The following CPNE9 variants were observed in gnomAD, a reference collection of about 807,000 sequenced individuals.
The protein encoded by CPNE9 is copine-9.
Under a neutral mutation model 83.0 loss-of-function variants are expected in CPNE9, and 59 were observed. The observed-to-expected ratio is 0.71, with a 90% CI of 0.58 to 0.88. The LOEUF is 0.88. Ranked by LOEUF, CPNE9 falls within the 40% of genes least tolerant of loss-of-function variation. The probability of loss-of-function intolerance (pLI) is 0.00; values close to 1 mark genes in which losing one functional copy is unlikely to be tolerated. For missense variants in CPNE9, 619 were observed against 720.8 expected (o/e 0.86, Z 1.62); for synonymous variants, 256 against 273.4 (o/e 0.94, Z 0.63).
chr3:9,720,998 T>C (rs993116929), intron 17 of CPNE9, among the ~76,000 whole-genome samples: 1 of 152,212 alleles, frequency 6.6e-6, no homozygotes, highest in Non-Finnish European at 1.5e-5. Context: ...CTAATTAATA[T>C]ATGTCAAGCA....
chr3:9,704,887 C>T lies in CPNE9; in HGVS notation c.157-4C>T, dbSNP rs1209511670. ...CCACGCTGACCCTCCACCCCCCTAC[C>T]CAGTTCGGACGGACCGAGGTGATTG... On this transcript the variant is annotated splice_polypyrimidine_tract_variant and splice_region_variant and intron_variant, in intron 3 of 20. Transcript: ENST00000383832. This position sits in a 1 kb window ranked among gnomAD's most constrained non-coding sequence, Gnocchi z 7.1. 3.7e-6 allele frequency: 6 copies of T among 1,611,832 alleles called. No homozygotes were observed. Among genetic ancestry groups the T allele is most frequent in the Non-Finnish European group, 5.1e-6 (6 of 1,178,794 alleles).
chr3:9,729,352 G>A (rs1284590765), intron 20 of CPNE9, among the ~76,000 whole-genome samples, 155 bp from the exon 21 acceptor site: 1 of 152,186 alleles, frequency 6.6e-6, no homozygotes, highest in Non-Finnish European at 1.5e-5. Flanking sequence ...TGGGTGGAGA[G>A]AAAGCAAATG....
rs1559646221 is a variant in CPNE9 at position 9,725,688 on chromosome 3, A to ATATGTG, written c.1242-261_1242-260insTATGTG. On this transcript the variant is annotated intron_variant, in intron 17 of 20. Coordinates refer to ENST00000383832, the MANE Select transcript of CPNE9 (RefSeq NM_153635.3). Reference sequence around the variant, plus strand: ...TGTATATATATGTGTATATATATATACATATATGTGTATATATGTGTATAT... The same window carrying ATATGTG: ...TGTATATATATGTGTATATATATATATATGTGCATATATGTGTATATATGTGTATAT... 4.5e-4 allele frequency among the ~76,000 whole-genome samples: 26 copies of ATATGTG among 57,686 alleles called. No individual in the cohort carries two copies. In the East Asian group the frequency reaches 6.0e-3, roughly 13 times the overall value. The allele number at this position is 57,686 out of a possible 152,430, so 37.8% of individuals were successfully genotyped here. A position where few individuals can be genotyped will look rare whatever the true frequency, so the allele number is the denominator to read the frequency against.
rs1255823412 is a variant in CPNE9, at chr3:9,721,745, A to AG, written c.1241+3145dup. 2.0e-5 allele frequency among the ~76,000 whole-genome samples: 3 copies of AG among 152,196 alleles called. No homozygotes were observed. The East Asian group carries it at 5.8e-4, about 29-fold the overall frequency. ...TGACTAGAGTGCGCACTGTGTACAG[A>AG]GGACTATCCAGATAATGGACTGGGG... On this transcript the variant is annotated intron_variant, in intron 17 of 20. Coordinates refer to ENST00000383832, the MANE Select transcript of CPNE9 (RefSeq NM_153635.3).
chr3:9,714,977 C>T (rs1254497199), intron 11 of CPNE9, 22 bp downstream of exon 11: 3 of 1,608,870 alleles, frequency 1.9e-6, no homozygotes, highest in African/African-American at 2.7e-5. Context: ...CCACATGGTC[C>T]CTTCTCCTGT....
In CPNE9 at chr3:9,704,659, T is replaced by C; in HGVS notation, c.109+32T>C. 6.2e-7 allele frequency: 1 copy of C among 1,612,696 alleles called. No homozygotes were observed. The highest frequency in any genetic ancestry group is 8.5e-7 in the Non-Finnish European group (1 of 1,178,864). ...GGCTCCAGGACCGGGAGGGGGAACT[T>C]GGGGTCTGGGCGCGACTCAGGGGCG... On this transcript the variant is annotated intron_variant, in intron 2 of 20. Coordinates refer to ENST00000383832, the MANE Select transcript of CPNE9 (RefSeq NM_153635.3). This position sits in a 1 kb window ranked among gnomAD's most constrained non-coding sequence, Gnocchi z 7.1.
intron 15 of CPNE9, 132 bp from the exon 16 acceptor site, chr3:9,717,897 T>A: frequency 1.5e-6 from 1 of 686,068 alleles, no homozygotes. Context: ...GATGATTGGG[T>A]AAAATAAGGA....
intron 10 of CPNE9, among the ~76,000 whole-genome samples, chr3:9,714,041 C>A (rs899380507): frequency 3.3e-5 from 5 of 151,868 alleles, no homozygotes; most frequent in Admixed American, 2.6e-4. Flanking sequence ...CCACTGCACT[C>A]CAGCCTGGGC....
At chr3:9,720,190 AGAT>A (rs2076722565) in intron 17 of CPNE9, among the ~76,000 whole-genome samples, 1 of 152,078 alleles carries the variant, frequency 6.6e-6, no homozygotes, top group African/African-American at 2.4e-5. Flanking sequence ...AAAAAGAAAA[AGAT>A]TATTTGATTG....
intron 16 of CPNE9, 31 bp from the exon 17 acceptor site, chr3:9,718,444 G>A: frequency 2.5e-6 from 4 of 1,601,240 alleles, no homozygotes; most frequent in Non-Finnish European, 3.4e-6. Flanking sequence ...CCCTGCATGG[G>A]CTCAGCCTGG....
At position 9,726,695 on chromosome 3, in the gene CPNE9, G is replaced by A. The variant is rs566993609; in HGVS notation, c.1375G>A (p.Val459Ile). 7 of 1,613,714 alleles carry A rather than the reference G, an allele frequency of 4.3e-6. No individual in the cohort carries two copies. The highest frequency in any genetic ancestry group is 4.5e-5 in the East Asian group (2 of 44,882). Residue 459 changes from valine (V) to isoleucine (I), a missense_variant, in exon 19 of 21, where the codon GTC (valine) becomes ATC (isoleucine). Around this residue, in one of 3 missense-constraint regions of CPNE9, gnomAD observed 438 missense variants for 562.9 expected, o/e 0.78. Coordinates refer to ENST00000383832, the MANE Select transcript of CPNE9 (RefSeq NM_153635.3). Reference protein sequence around the residue: ...ASSLPMSIIIVGVGPAMFEAM... With the variant: ...ASSLPMSIIIIGVGPAMFEAM... Reference sequence around the variant, plus strand: ...CTCATTGCCCATGTCTATCATTATCGTCGGTGTAGGACCAGCCATGTTTGA... The same window carrying A: ...CTCATTGCCCATGTCTATCATTATCATCGGTGTAGGACCAGCCATGTTTGA...
intron 4 of CPNE9, 47 bp from the exon 5 acceptor site, chr3:9,705,417 T>G: frequency 7.0e-6 from 4 of 570,216 alleles, no homozygotes; most frequent in Non-Finnish European, 1.3e-5. Context: ...CTTTCCACCC[T>G]CTCCCCCACC....
At chr3:9,721,256 G>A (rs1028354836) in intron 17 of CPNE9, among the ~76,000 whole-genome samples, 5 of 152,164 alleles carry the variant, frequency 3.3e-5, no homozygotes, top group Non-Finnish European at 7.3e-5. Flanking sequence ...CTAGCAAGTC[G>A]CCTGTCAGCA....
At chr3:9,718,331 T>C (rs1395396059) in intron 16 of CPNE9, 121 bp downstream of exon 16, 2 of 1,379,228 alleles carry the variant, frequency 1.5e-6, no homozygotes, top group Admixed American at 2.1e-5. Flanking sequence ...TATGAGAGGA[T>C]AGCAGAGCAG....
Position 9,725,676 on chromosome 3 carries a change from G to GTATA in CPNE9, c.1242-264_1242-261dup, listed in dbSNP as rs756917299. ...TATGTGTATATATGTATATATATGT[G>GTATA]TATATATATATACATATATGTGTAT... On this transcript the variant is annotated intron_variant, in intron 17 of 20. Coordinates refer to ENST00000383832, the MANE Select transcript of CPNE9 (RefSeq NM_153635.3). Among the ~76,000 whole-genome samples the GTATA allele has an allele frequency of 7.9e-4, 63 of 79,728 alleles. No homozygotes were observed. The Middle Eastern group carries it at 0.017, about 22-fold the overall frequency. 52.3% of individuals were successfully genotyped at this position (79,728 alleles called of 152,430 possible).
rs2076801301 is a variant in CPNE9 at position 9,728,313 on chromosome 3, C to T, written c.1476+1127C>T. On this transcript the variant is annotated intron_variant, in intron 20 of 20. Transcript: ENST00000383832. ...GACCAGCCTGGACAACATAGCAAGA[C>T]CTGATCTCTGCTACATTAAAAAAAT... Among the ~76,000 whole-genome samples, 5 of 152,266 alleles carry T rather than the reference C, an allele frequency of 3.3e-5. No homozygotes were observed. In the South Asian group the frequency reaches 1.0e-3, roughly 32 times the overall value.
intron 7 of CPNE9, 118 bp downstream of exon 7, chr3:9,706,181 C>T (rs540820381): frequency 2.3e-6 from 2 of 888,820 alleles, no homozygotes; most frequent in South Asian, 3.1e-5. Context: ...GGAGCCTGCC[C>T]CGGCTCCCAT....
intron 10 of CPNE9, 81 bp from the exon 11 acceptor site, chr3:9,714,833 A>G (rs1030901133): frequency 8.6e-7 from 1 of 1,158,320 alleles, no homozygotes; most frequent in South Asian, 1.3e-5. Context: ...TGGGGAGATG[A>G]TATGTGTGTG....
chr3:9,704,406 C>T lies in CPNE9; in HGVS notation c.69-181C>T, dbSNP rs2076538804. On this transcript the variant is annotated intron_variant, in intron 1 of 20. Coordinates refer to ENST00000383832, the MANE Select transcript of CPNE9 (RefSeq NM_153635.3). This position sits in a 1 kb window ranked among gnomAD's most constrained non-coding sequence, Gnocchi z 7.1. ...CGTCCAGTCCGCAGAGCCATGGTTC[C>T]TGGACAGCGATTTCCGGTGCTGTCC... Among the ~76,000 whole-genome samples the T allele has an allele frequency of 6.6e-6, 1 of 152,204 alleles. No homozygotes were observed. Among genetic ancestry groups the T allele is most frequent in the Admixed American group, 6.5e-5 (1 of 15,288 alleles).
Sources: gnomAD v4.1 joint callset for allele counts (sites outside exome capture counted in the v4.1 genomes callset) on GRCh38, gnomAD v4.1.1 for gene constraint, gnomAD v4.1.1 regional missense constraint, Gnocchi (gnomAD v3.1) non-coding constraint, MANE v1.5 for transcripts, NCBI Gene and HGNC (gene_info 2026-07-23, HGNC 2026-07-21) for gene names.